The following RORA variants were observed in gnomAD, a reference collection of about 807,000 sequenced individuals.
RORA encodes the protein RAR related orphan receptor A.
Under a neutral mutation model 69.5 loss-of-function variants are expected in RORA, and 7 were observed. That is an observed-to-expected ratio of 0.10 (90% CI 0.06 to 0.19). The LOEUF (loss-of-function observed/expected upper bound fraction) is 0.19, where lower values mean the gene tolerates loss of function less well. RORA is among the 10% of genes least tolerant of loss of function. The probability of loss-of-function intolerance (pLI) is 1.00; values close to 1 mark genes in which losing one functional copy is unlikely to be tolerated. For missense variants in RORA, 457 were observed against 663.0 expected, an observed-to-expected ratio of 0.69 and a Z score of 3.41; for synonymous variants, 261 against 240.8, an observed-to-expected ratio of 1.08 and a Z score of -0.78.
rs530292278 is a variant in RORA at position 61,091,931 on chromosome 15, T to G, written c.166+137122A>C. Among the ~76,000 whole-genome samples, 6 of 152,354 alleles carry G rather than the reference T, an allele frequency of 3.9e-5. No individual in the cohort carries two copies. The East Asian group carries it at 1.2e-3, about 29-fold the overall frequency. ...AATGGCATATGTTAAAAATGGTCTTTAAACACTTTGAAACACTTGATGGTG... is the reference window on the plus strand; with the variant it reads ...AATGGCATATGTTAAAAATGGTCTTGAAACACTTTGAAACACTTGATGGTG... On this transcript the variant is annotated intron_variant, in intron 1 of 10. Coordinates refer to ENST00000335670, the MANE Select transcript of RORA (RefSeq NM_134261.3).
intron 1 of RORA, among the ~76,000 whole-genome samples, chr15:60,762,555 A>C (rs773952109): frequency 5.9e-5 from 9 of 151,974 alleles, no homozygotes; most frequent in Admixed American, 2.6e-4. Context: ...ACACACACAC[A>C]CCCACGCACA....
chr15:61,222,247 C>T (rs984604936), intron 1 of RORA, among the ~76,000 whole-genome samples: 5 of 152,110 alleles, frequency 3.3e-5, no homozygotes, highest in Non-Finnish European at 7.3e-5. Context: ...CCCAGTTCTG[C>T]GGACAAAACC....
At chr15:60,749,670 C>A (rs8038767) in intron 1 of RORA, among the ~76,000 whole-genome samples, 96,841 of 151,986 alleles carry the variant, frequency 0.64, 31,194 homozygotes, top group African/African-American at 0.69. Context: ...TGGAGAGAAA[C>A]TCTGTTCCCT....
At chr15:60,574,919 T>A (rs1009986200) in intron 2 of RORA, among the ~76,000 whole-genome samples, 5 of 152,076 alleles carry the variant, frequency 3.3e-5, no homozygotes, top group African/African-American at 4.8e-5. Context: ...TTTCTGTATC[T>A]TGTGTCACCC....
chr15:60,678,959 C>A (rs776344603), intron 1 of RORA, among the ~76,000 whole-genome samples: 1 of 152,138 alleles, frequency 6.6e-6, no homozygotes. Context: ...AAACAGGACG[C>A]GAGGAGACTC....
Position 60,488,326 on chromosome 15 carries a change from A to G in RORA, c.*9129T>C, listed in dbSNP as rs2064983949. On this transcript the variant is annotated 3_prime_UTR_variant, in exon 11 of 11. Transcript: ENST00000335670. Reference sequence around the variant, plus strand: ...GTTTTATTATAGGATAACAGTACATAAAGCACATCTAAAATTGATGTGTTC... The same window carrying G: ...GTTTTATTATAGGATAACAGTACATGAAGCACATCTAAAATTGATGTGTTC... The G allele has an allele frequency of 6.6e-6, 1 of 152,262 alleles. No individual in the cohort carries two copies. Among genetic ancestry groups the G allele is most frequent in the Admixed American group, 6.5e-5 (1 of 15,290 alleles). 9.4% of individuals were successfully genotyped at this position (152,262 alleles called of 1,614,324 possible). A position where few individuals can be genotyped will look rare whatever the true frequency, so the allele number is the denominator to read the frequency against.
intron 2 of RORA, among the ~76,000 whole-genome samples, chr15:60,566,900 G>A (rs2067728190): frequency 6.6e-6 from 1 of 152,050 alleles, no homozygotes; most frequent in East Asian, 1.9e-4. Flanking sequence ...CCAGGTTGGC[G>A]GGACCTAATC....
At chr15:60,991,664 G>A (rs1342130518) in intron 1 of RORA, among the ~76,000 whole-genome samples, 2 of 152,158 alleles carry the variant, frequency 1.3e-5, no homozygotes, top group African/African-American at 4.8e-5. Context: ...TTCGGAGGCT[G>A]AGGCGAGAGG....
chr15:60,697,395 T>G (rs184044248), intron 1 of RORA, among the ~76,000 whole-genome samples: 1 of 152,294 alleles, frequency 6.6e-6, no homozygotes, highest in Admixed American at 6.5e-5. Context: ...GCCGCTCAAG[T>G]GAAGCCTCCC....
chr15:60,938,066 T>C (rs1002662352), intron 1 of RORA, among the ~76,000 whole-genome samples: 5 of 152,120 alleles, frequency 3.3e-5, no homozygotes, highest in African/African-American at 1.2e-4. Flanking sequence ...GGTTTTTAGG[T>C]TCAAGATAGG....
chr15:60,616,764 T>C (rs928485331), intron 2 of RORA, among the ~76,000 whole-genome samples: 9 of 152,240 alleles, frequency 5.9e-5, no homozygotes, highest in African/African-American at 2.2e-4. Flanking sequence ...ACCTGCGTTC[T>C]GTGGTTGAGG....
At chr15:60,967,672 T>C (rs1370282016) in intron 1 of RORA, among the ~76,000 whole-genome samples, 1 of 152,214 alleles carries the variant, frequency 6.6e-6, no homozygotes, top group Non-Finnish European at 1.5e-5. Context: ...TTTAATTTTC[T>C]AAAAATATTC....
At chr15:60,744,575 C>G (rs1248021258) in intron 1 of RORA, among the ~76,000 whole-genome samples, 1 of 152,158 alleles carries the variant, frequency 6.6e-6, no homozygotes. Context: ...TCCTCACCAG[C>G]AAACTGGGGG....
At chr15:60,516,057 T>TTATATATTTA (rs2065899188) in intron 3 of RORA, among the ~76,000 whole-genome samples, 1 of 6,090 alleles carries the variant, frequency 1.6e-4, no homozygotes, top group African/African-American at 4.5e-4. Context: ...TTATATATAT[T>TTATATATTTA]TATATATATT....
At chr15:60,676,177 G>A (rs1443946330) in intron 2 of RORA, among the ~76,000 whole-genome samples, 1 of 152,204 alleles carries the variant, frequency 6.6e-6, no homozygotes, top group Non-Finnish European at 1.5e-5. Context: ...AAATGCTAAA[G>A]AAGAAGTAAT....
chr15:60,852,875 A>T (rs567729365), intron 1 of RORA, among the ~76,000 whole-genome samples: 3 of 152,304 alleles, frequency 2.0e-5, no homozygotes, highest in African/African-American at 7.2e-5. Flanking sequence ...CAAGTGCCTG[A>T]TTCATCTCAT....
chr15:60,906,185 C>T (rs139792751), intron 1 of RORA, among the ~76,000 whole-genome samples: 20 of 152,126 alleles, frequency 1.3e-4, no homozygotes, highest in East Asian at 3.9e-4. Flanking sequence ...AGCCCTGGCG[C>T]GAGGGAATAG....
intron 1 of RORA, among the ~76,000 whole-genome samples, chr15:60,773,408 A>G (rs11637671): frequency 0.2 from 31,035 of 152,054 alleles, 3,705 homozygotes; most frequent in African/African-American, 0.34. Flanking sequence ...TTAGCTCTAC[A>G]TACTTCAGTG....
intron 4 of RORA, among the ~76,000 whole-genome samples, chr15:60,512,665 A>C (rs2065740921): frequency 6.6e-6 from 1 of 152,196 alleles, no homozygotes; most frequent in Non-Finnish European, 1.5e-5. Flanking sequence ...GGAAAGGACA[A>C]ATATGGTATT....
Sources: allele counts gnomAD v4.1 joint callset (sites outside exome capture counted in the v4.1 genomes callset), GRCh38; gene constraint gnomAD v4.1.1; transcripts MANE v1.5; gene names NCBI Gene and HGNC (gene_info 2026-07-23, HGNC 2026-07-21).